ZNF185: variants seen among roughly 807,000 people sequenced by gnomAD.
ZNF185 encodes the protein zinc finger protein 185 with LIM domain.
In ZNF185, 56 loss-of-function variants were observed where a neutral mutation model predicts 58.6. That is an observed-to-expected ratio of 0.95 (90% CI 0.77 to 1.19). The LOEUF is 1.19. Ranked by LOEUF, ZNF185 falls within the 50% of genes most tolerant of loss-of-function variation. ZNF185 has a pLI of 0.00. For synonymous variants in ZNF185, 230 were observed against 215.9 expected, an observed-to-expected ratio of 1.07 and a Z score of -0.57; for missense variants, 627 against 573.5, an observed-to-expected ratio of 1.09 and a Z score of -0.95.
At chrX:152,927,436 T>C (rs1323024877) in intron 11 of ZNF185, among the ~76,000 whole-genome samples, 2 of 111,459 alleles carry the variant, frequency 1.8e-5, no homozygotes, top group Non-Finnish European at 1.9e-5. Context: ...GCTCATTCCT[T>C]GCTTTCACCT....
chrX:152,938,599 C>G (rs782050396), intron 15 of ZNF185, among the ~76,000 whole-genome samples: 9 of 110,983 alleles, frequency 8.1e-5, no homozygotes, highest in African/African-American at 3.0e-4. Context: ...CGATGAGTGT[C>G]CTTGTTGGGG....
rs2046769091 is a variant in ZNF185 at position 152,938,902 on chromosome X, C to CTTCCCTAAGACA, written c.1211+739_1211+740insTTCCCTAAGACA. Among the ~76,000 whole-genome samples the CTTCCCTAAGACA allele has an allele frequency of 6.0e-5, 5 of 83,522 alleles. 1 individual carries two copies. The highest frequency in any genetic ancestry group is 2.9e-4 in the African/African-American group (5 of 17,078). The allele number at this position is 83,522 out of a possible 115,157, so 72.5% of individuals were successfully genotyped here. A position where few individuals can be genotyped will look rare whatever the true frequency, so the allele number is the denominator to read the frequency against. Reference sequence around the variant, plus strand: ...GTGGAAAAGGCAACTCAGGCGATCTCCTCTAAAGAGGAGAAGGAGCCAACT... The same window carrying CTTCCCTAAGACA: ...GTGGAAAAGGCAACTCAGGCGATCTCTTCCCTAAGACACTCTAAAGAGGAGAAGGAGCCAACT... On this transcript the variant is annotated intron_variant, in intron 15 of 22. Transcript: ENST00000449285.
intron 2 of ZNF185, 106 bp downstream of exon 3, chrX:152,914,939 C>A (rs1741919839): frequency 1.9e-6 from 2 of 1,063,157 alleles, no homozygotes; most frequent in South Asian, 4.5e-5. Context: ...TTCAGAGCTC[C>A]GCCAGGCCAT....
At chrX:152,919,497 G>A (rs930959306) in intron 7 of ZNF185, among the ~76,000 whole-genome samples, 2 of 111,062 alleles carry the variant, frequency 1.8e-5, no homozygotes, top group African/African-American at 3.3e-5. Flanking sequence ...CCCAAACTGA[G>A]CTCCAGGCAT....
chrX:152,939,776 G>GTT (rs57118182), intron 15 of ZNF185, among the ~76,000 whole-genome samples: 5,164 of 49,431 alleles, frequency 0.1, 456 homozygotes, highest in Middle Eastern at 0.17. Flanking sequence ...AATCAGAGGT[G>GTT]TTTTTTTTTT....
At chrX:152,928,460 A>G (rs1941290580) in intron 11 of ZNF185, 115 bp from the exon 13 acceptor site, 1 of 729,766 alleles carries the variant, frequency 1.4e-6, no homozygotes, top group African/African-American at 2.1e-5. Flanking sequence ...CAAGGAGGAG[A>G]TGAGAGCACA....
intron 20 of ZNF185, among the ~76,000 whole-genome samples, chrX:152,969,069 G>A (rs781873357): frequency 8.9e-6 from 1 of 112,257 alleles, no homozygotes; most frequent in African/African-American, 3.2e-5. Context: ...GGCCCCAGCG[G>A]ATAATCTAAG....
At chrX:152,903,246 A>G in the ZNF185 span, among the ~76,000 whole-genome samples, 19 of 108,596 alleles carry the variant, frequency 1.7e-4, no homozygotes, top group East Asian at 5.5e-3. Context: ...AAAATTAGCC[A>G]GGTGTGGTGG....
chrX:152,907,229 C>T, the ZNF185 span, among the ~76,000 whole-genome samples: 32,691 of 110,570 alleles, frequency 0.3, 3,465 homozygotes, highest in South Asian at 0.37. Context: ...CCCGCTCCTC[C>T]AGCGCACGGG....
chrX:152,927,753 C>T (rs1029287720), intron 11 of ZNF185, among the ~76,000 whole-genome samples: 16 of 112,518 alleles, frequency 1.4e-4, no homozygotes, highest in African/African-American at 5.2e-4. Context: ...CCCTGCCTGA[C>T]CCTGCTGGGC....
At chrX:152,939,386 G>C (rs1238975914) in intron 15 of ZNF185, among the ~76,000 whole-genome samples, 1 of 112,026 alleles carries the variant, frequency 8.9e-6, no homozygotes, top group African/African-American at 3.2e-5. Flanking sequence ...TGGGTAAGGT[G>C]GGAAACTGAA....
chrX:152,898,855 G>T, the ZNF185 span, among the ~76,000 whole-genome samples: 3 of 112,502 alleles, frequency 2.7e-5, no homozygotes. Context: ...GGGGCAGAGG[G>T]AGCCAAGAGT....
chrX:152,941,618 T>C lies in ZNF185; in HGVS notation c.1211+3455T>C. ...GTGCACCTCGGCGAGCACGCGCCCG[T>C]AGTGAGTACGCCTGCGTAGGCCGCC... On this transcript the variant is annotated intron_variant, in intron 15 of 22. Coordinates refer to ENST00000449285, the Ensembl canonical transcript of ZNF185. 3.5e-6 allele frequency: 4 copies of C among 1,128,941 alleles called. No individual in the cohort carries two copies. In the South Asian group the frequency reaches 8.3e-5, roughly 23 times the overall value. 93.0% of individuals were successfully genotyped at this position (1,128,941 alleles called of 1,213,427 possible).
intron 12 of ZNF185, 112 bp downstream of exon 13, chrX:152,928,773 C>G (rs782359502): frequency 1.3e-5 from 10 of 774,963 alleles, no homozygotes; most frequent in Non-Finnish European, 1.7e-5. Context: ...ACTGTAGGGC[C>G]AACAGGTTGA....
the ZNF185 span, among the ~76,000 whole-genome samples, chrX:152,903,087 G>A: frequency 7.2e-5 from 8 of 110,979 alleles, no homozygotes; most frequent in East Asian, 2.8e-4. Flanking sequence ...AGGGGAGAGC[G>A]AAAGAGGGTA....
chrX:152,922,397 A>G, intron 10 of ZNF185, 141 bp downstream of exon 11: 1 of 617,767 alleles, frequency 1.6e-6, no homozygotes, highest in Non-Finnish European at 2.5e-6. Context: ...GACGGGACAA[A>G]GAAATCAGTA....
chrX:152,956,462 A>G (rs1042835372), intron 16 of ZNF185, among the ~76,000 whole-genome samples: 4 of 111,917 alleles, frequency 3.6e-5, no homozygotes, highest in African/African-American at 1.3e-4. Flanking sequence ...TTATTGGCCA[A>G]GCGCGGTGGC....
chrX:152,911,773 T>TCATCC (rs1170073356), upstream of ZNF185, among the ~76,000 whole-genome samples: 9 of 35,708 alleles, frequency 2.5e-4, no homozygotes, highest in African/African-American at 9.3e-4. Flanking sequence ...CCCATCCATC[T>TCATCC]CATCCCATCC....
chrX:152,971,440 C>A (rs1234078415), exon 23 of ZNF185: 1 of 111,892 alleles, frequency 8.9e-6, no homozygotes, highest in African/African-American at 3.2e-5. Context: ...CATCCAATAT[C>A]GTATCTTAAT....
Sources: allele counts gnomAD v4.1 joint callset (sites outside exome capture counted in the v4.1 genomes callset), GRCh38; gene constraint gnomAD v4.1.1; transcripts MANE v1.5; gene names NCBI Gene and HGNC (gene_info 2026-07-23, HGNC 2026-07-21).